ZNF554: variants seen among roughly 807,000 people sequenced by gnomAD.
ZNF554 encodes the protein zinc finger protein 554.
A neutral mutation model predicts 21.2 loss-of-function variants in ZNF554; 15 were observed. That is an observed-to-expected ratio of 0.71 (90% CI 0.47 to 1.09). The LOEUF is 1.09. Among genes scored for constraint, ZNF554 ranks in the 50% least tolerant of loss-of-function variants. The pLI is 0.00. For missense variants in ZNF554, 691 were observed against 662.7 expected (o/e 1.04, Z -0.47); for synonymous variants, 258 against 251.4 (o/e 1.03, Z -0.25).
Position 2,834,370 on chromosome 19 carries a change from C to G in ZNF554, c.1135C>G (p.Pro379Ala). 1 of 1,613,946 alleles carries G rather than the reference C, an allele frequency of 6.2e-7. No individual in the cohort carries two copies. The highest frequency in any genetic ancestry group is 8.5e-7 in the Non-Finnish European group (1 of 1,179,998). Residue 379 changes from proline (P) to alanine (A), a missense_variant, in exon 5 of 5, where the codon CCC becomes GCC. Coordinates refer to ENST00000317243, the MANE Select transcript of ZNF554 (RefSeq NM_001102651.2). ...TCTGAGAACTCATACTGGAGAGAAG[C>G]CCTACGGGTGCGGTGAGTGCGGGAA... is the stretch of plus-strand genomic sequence containing the variant. ...RHLRTHTGEK[P>A]YGCGECGKAF...
intron 1 of ZNF554, among the ~76,000 whole-genome samples, chr19:2,820,684 C>CT (rs762586098): frequency 0.073 from 7,501 of 103,182 alleles, 896 homozygotes; most frequent in Non-Finnish European, 0.1. Context: ...AGCAAGGGTC[C>CT]TTTTTTTTTT....
intron 3 of ZNF554, chr19:2,831,381 G>C (rs1165372467): frequency 6.7e-6 from 1 of 149,878 alleles, no homozygotes; most frequent in African/African-American, 2.5e-5. Context: ...TGCAAGCCCT[G>C]CCTCCCGAGT....
chr19:2,828,527 A>G (rs2087366874), intron 3 of ZNF554, among the ~76,000 whole-genome samples: 1 of 152,010 alleles, frequency 6.6e-6, no homozygotes, highest in East Asian at 1.9e-4. Context: ...TGTCTCTACT[A>G]AAAATGGCGG....
Position 2,820,109 on chromosome 19 carries a change from T to TC in ZNF554, c.41dup (p.Ala15GlyfsTer34), listed in dbSNP as rs1211233598. 13 of 1,219,522 alleles carry TC rather than the reference T, an allele frequency of 1.1e-5. No individual in the cohort carries two copies. Among genetic ancestry groups the TC allele is most frequent in the African/African-American group, 1.6e-5 (1 of 63,606 alleles). The allele number at this position is 1,219,522 out of a possible 1,614,324, so 75.5% of individuals were successfully genotyped here. ...GCCCACCTGGGCCGGCGCGCGCGGC[T>TC]CCCGGCAGCTCAGCCGTAAGTGCCG... is the stretch of plus-strand genomic sequence containing the variant. On this transcript the variant is annotated frameshift_variant, in exon 1 of 5. Coordinates refer to ENST00000317243, the MANE Select transcript of ZNF554 (RefSeq NM_001102651.2). LOFTEE classifies it high-confidence loss of function.
Position 2,821,215 on chromosome 19 carries a change from T to G in ZNF554, c.53+1091T>G, listed in dbSNP as rs1020748515. ...GATTCTCCTGCCTCAGCCTCCCAAGTAGCTGGGATTACAGGTGCACGCCAC... is the reference window on the plus strand; with the variant it reads ...GATTCTCCTGCCTCAGCCTCCCAAGGAGCTGGGATTACAGGTGCACGCCAC... On this transcript the variant is annotated intron_variant, in intron 1 of 4. Transcript: ENST00000317243. This position sits in a 1 kb window ranked among gnomAD's most constrained non-coding sequence, Gnocchi z 8.2. 6.6e-6 allele frequency among the ~76,000 whole-genome samples: 1 copy of G among 151,676 alleles called. No homozygotes were observed. Among genetic ancestry groups the G allele is most frequent in the African/African-American group, 2.4e-5 (1 of 41,062 alleles).
At chr19:2,822,792 C>A (rs899121987) in intron 1 of ZNF554, among the ~76,000 whole-genome samples, 2 of 152,180 alleles carry the variant, frequency 1.3e-5, no homozygotes, top group Non-Finnish European at 2.9e-5. Context: ...TAGCTTGAGC[C>A]CAGGAGGTTG....
chr19:2,821,235 C>T lies in ZNF554; in HGVS notation c.53+1111C>T, dbSNP rs1024711681. On this transcript the variant is annotated intron_variant, in intron 1 of 4. Transcript: ENST00000317243. This position sits in a 1 kb window ranked among gnomAD's most constrained non-coding sequence, Gnocchi z 8.2. ...CCAAGTAGCTGGGATTACAGGTGCA[C>T]GCCACCCCGCCTGGCTAATTTTTAT... Among the ~76,000 whole-genome samples the T allele has an allele frequency of 2.0e-5, 3 of 151,476 alleles. No individual in the cohort carries two copies. The highest frequency in any genetic ancestry group is 1.9e-4 in the East Asian group (1 of 5,154).
At chr19:2,826,129 ACCT>A (rs2144809284) in intron 2 of ZNF554, 1 of 149,444 alleles carries the variant, frequency 6.7e-6, no homozygotes, top group East Asian at 2.0e-4. Context: ...CGAACTCCCA[ACCT>A]CAGGTGATCC....
Position 2,819,997 on chromosome 19 carries a change from G to T in ZNF554, c.-75G>T. 2 of 1,118,430 alleles carry T rather than the reference G, an allele frequency of 1.8e-6. No homozygotes were observed. The highest frequency in any genetic ancestry group is 1.1e-6 in the Non-Finnish European group (1 of 896,300). The allele number at this position is 1,118,430 out of a possible 1,614,324, so 69.3% of individuals were successfully genotyped here. ...AGCGGAGGAGGCGTCCCAGGGACAC[G>T]CAGGGGAGGCCGGCCGGCCTGCACG... is the stretch of plus-strand genomic sequence containing the variant. On this transcript the variant is annotated 5_prime_UTR_variant, in exon 1 of 5. Coordinates refer to ENST00000317243, the MANE Select transcript of ZNF554 (RefSeq NM_001102651.2).
chr19:2,826,844 A>G (rs1325134573), intron 2 of ZNF554, among the ~76,000 whole-genome samples: 6 of 151,860 alleles, frequency 4.0e-5, no homozygotes, highest in Non-Finnish European at 1.5e-5. Flanking sequence ...TTGTATTTTT[A>G]GTAGAGACGG....
rs1754635080 is a variant in ZNF554, at chr19:2,834,694, A to T, written c.1459A>T (p.Thr487Ser). 4.3e-6 allele frequency: 7 copies of T among 1,614,130 alleles called. No homozygotes were observed. The highest frequency in any genetic ancestry group is 5.9e-6 in the Non-Finnish European group (7 of 1,179,990). Reference sequence around the variant, plus strand: ...CCTTGTGAGGCACGAGAGAACTCACACTGGAGAGAAACCCTACAGGTGTCA... The same window carrying T: ...CCTTGTGAGGCACGAGAGAACTCACTCTGGAGAGAAACCCTACAGGTGTCA... ...SSLVRHERTH[T>S]GEKPYRCQEC... The change falls in exon 5 of 5, where the codon ACT becomes TCT. Residue 487 changes from threonine to serine, a missense_variant. Physicochemically the swap from Thr to Ser is moderately conservative, Grantham distance 58. Transcript: ENST00000317243.
At chr19:2,827,131 G>A (rs961536460) in intron 2 of ZNF554, among the ~76,000 whole-genome samples, 3 of 152,206 alleles carry the variant, frequency 2.0e-5, no homozygotes, top group Non-Finnish European at 4.4e-5. Context: ...AGCAAATGCT[G>A]TGACTGATAT....
chr19:2,832,247 A>G (rs1007714903), intron 3 of ZNF554, 56 bp from the exon 4 acceptor site: 31 of 1,492,886 alleles, frequency 2.1e-5, no homozygotes, highest in Non-Finnish European at 2.8e-5. Context: ...TTTTTTAACT[A>G]GAAAATAAAA....
intron 3 of ZNF554, chr19:2,830,765 A>ATT (rs33977833): frequency 0.23 from 33,461 of 145,304 alleles, 5,230 homozygotes; most frequent in East Asian, 0.66. Flanking sequence ...CTGTTTTTGT[A>ATT]TTTTTTTTTT....
In ZNF554 at chr19:2,822,418, G is replaced by A. The variant is rs115728067; in HGVS notation, c.54-622G>A. On this transcript the variant is annotated intron_variant, in intron 1 of 4. Coordinates refer to ENST00000317243, the MANE Select transcript of ZNF554 (RefSeq NM_001102651.2). Reference sequence around the variant, plus strand: ...CTTGATCTCAGACTTCCAGAACTGGGAAAGGATATATTCCTGTTATTTTAA... The same window carrying A: ...CTTGATCTCAGACTTCCAGAACTGGAAAAGGATATATTCCTGTTATTTTAA... Among the ~76,000 whole-genome samples, 1,386 of 152,270 alleles carry A rather than the reference G, an allele frequency of 9.1e-3. 29 individuals are homozygous for A. The highest frequency in any genetic ancestry group is 0.031 in the African/African-American group (1,301 of 41,530).
chr19:2,830,097 T>C (rs913841383), intron 3 of ZNF554, among the ~76,000 whole-genome samples: 1 of 152,068 alleles, frequency 6.6e-6, no homozygotes, highest in East Asian at 1.9e-4. Context: ...GCTAATTTTT[T>C]AATAATTTTT....
At chr19:2,822,916 C>T in intron 1 of ZNF554, 124 bp from the exon 2 acceptor site, 1 of 882,642 alleles carries the variant, frequency 1.1e-6, no homozygotes, top group Admixed American at 2.4e-5. Context: ...GTTCTGGCTT[C>T]AGTTTACCTC....
In ZNF554 at chr19:2,834,657, C is replaced by A; in HGVS notation, c.1422C>A (p.Ser474Arg). 1 of 1,614,012 alleles carries A rather than the reference C, an allele frequency of 6.2e-7. No homozygotes were observed. Among genetic ancestry groups the A allele is most frequent in the Non-Finnish European group, 8.5e-7 (1 of 1,179,988 alleles). ...GTAAGCAGTGTGGGAGAGCCTTCAGCCAGAGGTCTTCCCTTGTGAGGCACG... is the reference window on the plus strand; with the variant it reads ...GTAAGCAGTGTGGGAGAGCCTTCAGACAGAGGTCTTCCCTTGTGAGGCACG... Reference protein sequence around the residue: ...YECKQCGRAFSQRSSLVRHER... With the variant: ...YECKQCGRAFRQRSSLVRHER... The change falls in exon 5 of 5, where the codon AGC becomes AGA. Residue 474 changes from serine to arginine, a missense_variant. Ser to Arg is a moderately radical substitution (Grantham distance 110). Coordinates refer to ENST00000317243, the MANE Select transcript of ZNF554 (RefSeq NM_001102651.2).
At chr19:2,828,323 T>G (rs1445648431) in intron 3 of ZNF554, among the ~76,000 whole-genome samples, 1 of 152,190 alleles carries the variant, frequency 6.6e-6, no homozygotes, top group Non-Finnish European at 1.5e-5. Context: ...ATGTCTCAGC[T>G]CAGGCATAGA....
Sources: gnomAD v4.1 joint callset for allele counts (sites outside exome capture counted in the v4.1 genomes callset) on GRCh38, gnomAD v4.1.1 for gene constraint, Gnocchi (gnomAD v3.1) non-coding constraint, MANE v1.5 for transcripts, NCBI Gene and HGNC (gene_info 2026-07-23, HGNC 2026-07-21) for gene names.